CNTN4: variants seen among roughly 807,000 people sequenced by gnomAD.
CNTN4 encodes the protein contactin-4.
A neutral mutation model predicts 122.5 loss-of-function variants in CNTN4; 77 were observed. The ratio of observed to expected loss-of-function variants is 0.63; its 90% CI spans 0.52 to 0.76. CNTN4 has a LOEUF of 0.76. Among genes scored for constraint, CNTN4 ranks in the 30% least tolerant of loss-of-function variants. The pLI, the probability that CNTN4 is intolerant of heterozygous loss-of-function variation, is 0.00. For synonymous variants in CNTN4, 512 were observed against 447.0 expected (o/e 1.15, Z -1.83); for missense variants, 1,256 against 1,259.1 (o/e 1.00, Z 0.04).
chr3:2,476,105 C>T (rs532995802), intron 3 of CNTN4, among the ~76,000 whole-genome samples: 1 of 152,280 alleles, frequency 6.6e-6, no homozygotes, highest in Non-Finnish European at 1.5e-5. Flanking sequence ...TTGTTCATGA[C>T]TGGTGGGCCA....
At chr3:2,896,289 G>A (rs9818647) in intron 10 of CNTN4, among the ~76,000 whole-genome samples, 1 of 152,184 alleles carries the variant, frequency 6.6e-6, no homozygotes, top group South Asian at 2.1e-4. Flanking sequence ...CAGCAAGGAA[G>A]CAGCCTTGCG....
At chr3:2,113,397 G>C (rs935874572) in intron 2 of CNTN4, among the ~76,000 whole-genome samples, 1 of 152,170 alleles carries the variant, frequency 6.6e-6, no homozygotes, top group African/African-American at 2.4e-5. Flanking sequence ...TGTTGTAATT[G>C]TAGCCCATTG....
rs1293842199 is a variant in CNTN4, at chr3:2,591,627, G to A, written c.55+20069G>A. On this transcript the variant is annotated intron_variant, in intron 4 of 24. Coordinates refer to ENST00000418658, the MANE Select transcript of CNTN4 (RefSeq NM_175607.3). ...GATCCGCCCGCCTCGGCCTCCCAAA[G>A]TGCTGGGATTACAGGCGTGAGCCAC... Among the ~76,000 whole-genome samples, 4 of 51,660 alleles carry A rather than the reference G, an allele frequency of 7.7e-5. 2 individuals carry two copies. Among genetic ancestry groups the A allele is most frequent in the Non-Finnish European group, 2.0e-4 (4 of 20,248 alleles). 33.9% of individuals were successfully genotyped at this position (51,660 alleles called of 152,430 possible).
intron 5 of CNTN4, among the ~76,000 whole-genome samples, chr3:2,742,134 G>A (rs2089490041): frequency 6.6e-6 from 1 of 152,112 alleles, no homozygotes; most frequent in African/African-American, 2.4e-5. Flanking sequence ...CTGAATTTGA[G>A]GGGGAAGAAC....
chr3:2,595,149 G>GCTT (rs1278725223), intron 4 of CNTN4, among the ~76,000 whole-genome samples: 5 of 152,262 alleles, frequency 3.3e-5, no homozygotes, highest in African/African-American at 1.2e-4. Flanking sequence ...CCATTGACAT[G>GCTT]CTTTTATTAG....
intron 4 of CNTN4, among the ~76,000 whole-genome samples, chr3:2,679,244 T>G: frequency 6.6e-6 from 1 of 152,162 alleles, no homozygotes; most frequent in East Asian, 1.9e-4. Flanking sequence ...CACTAATCAT[T>G]GGAGATATTG....
chr3:3,037,520 T>C (rs1699717549), intron 18 of CNTN4, 192 bp downstream of exon 18: 7 of 734,646 alleles, frequency 9.5e-6, no homozygotes, highest in South Asian at 6.3e-5. Flanking sequence ...CAATCAAGAG[T>C]TGTTTTCTTC....
intron 7 of CNTN4, among the ~76,000 whole-genome samples, chr3:2,829,182 G>A (rs923156499): frequency 6.6e-6 from 1 of 152,172 alleles, no homozygotes; most frequent in Non-Finnish European, 1.5e-5. Flanking sequence ...ATCAGAGGGG[G>A]TTACAGCGCA....
chr3:2,711,239 A>G (rs956493380), intron 4 of CNTN4, among the ~76,000 whole-genome samples: 1 of 152,166 alleles, frequency 6.6e-6, no homozygotes. Flanking sequence ...GATCATAGAC[A>G]GTGATGGAGA....
intron 6 of CNTN4, among the ~76,000 whole-genome samples, chr3:2,816,831 AAAAAAAAAAAAG>A (rs2092744823): frequency 6.6e-6 from 1 of 150,730 alleles, no homozygotes; most frequent in Non-Finnish European, 1.5e-5. Flanking sequence ...AAAAAAAAAA[AAAAAAAAAAAAG>A]AACTTACCCA....
chr3:2,370,579 A>G (rs9882813), intron 3 of CNTN4, among the ~76,000 whole-genome samples: 4,636 of 152,238 alleles, frequency 0.03, 227 homozygotes, highest in African/African-American at 0.1. Context: ...AGACAATTTG[A>G]TTCAAATGAT....
intron 3 of CNTN4, among the ~76,000 whole-genome samples, chr3:2,393,053 G>A (rs981925589): frequency 6.6e-5 from 10 of 152,172 alleles, no homozygotes; most frequent in African/African-American, 2.4e-4. Flanking sequence ...CAAGTTGGCA[G>A]GTTGATTACT....
At chr3:2,291,649 G>C (rs1014833494) in intron 2 of CNTN4, among the ~76,000 whole-genome samples, 1 of 150,770 alleles carries the variant, frequency 6.6e-6, no homozygotes, top group Non-Finnish European at 1.5e-5. Flanking sequence ...TAAAGTATTT[G>C]GGGATCCCTA....
intron 3 of CNTN4, among the ~76,000 whole-genome samples, chr3:2,375,927 A>G (rs2045798205): frequency 6.6e-6 from 1 of 152,126 alleles, no homozygotes; most frequent in Non-Finnish European, 1.5e-5. Flanking sequence ...AAGAAGAAAA[A>G]AAAAAAGAGA....
At chr3:2,283,185 A>G (rs1364617516) in intron 2 of CNTN4, among the ~76,000 whole-genome samples, 3 of 149,728 alleles carry the variant, frequency 2.0e-5, no homozygotes, top group East Asian at 1.9e-4. Flanking sequence ...AGAAGACATT[A>G]TAATAAACAG....
At chr3:2,315,363 A>G (rs1036808181) in intron 2 of CNTN4, among the ~76,000 whole-genome samples, 4 of 152,086 alleles carry the variant, frequency 2.6e-5, no homozygotes, top group Admixed American at 6.6e-5. Context: ...CTCATCCAAC[A>G]TGTATTCATC....
At chr3:2,439,807 T>G (rs1416497502) in intron 3 of CNTN4, among the ~76,000 whole-genome samples, 1 of 152,148 alleles carries the variant, frequency 6.6e-6, no homozygotes, top group Non-Finnish European at 1.5e-5. Flanking sequence ...CTGGTTGTGA[T>G]CCTCCATTTC....
chr3:2,783,104 T>C (rs2091671365), intron 6 of CNTN4, among the ~76,000 whole-genome samples: 1 of 151,542 alleles, frequency 6.6e-6, no homozygotes, highest in African/African-American at 2.4e-5. Context: ...CACAGTGAGA[T>C]TTTCTCTCTA....
At chr3:2,241,558 T>C (rs1003606280) in intron 2 of CNTN4, among the ~76,000 whole-genome samples, 1 of 152,224 alleles carries the variant, frequency 6.6e-6, no homozygotes, top group Non-Finnish European at 1.5e-5. Context: ...TTTAGCTTAA[T>C]GTCTGCATCT....
Sources: allele counts gnomAD v4.1 joint callset (sites outside exome capture counted in the v4.1 genomes callset), GRCh38; gene constraint gnomAD v4.1.1; transcripts MANE v1.5; gene names NCBI Gene and HGNC (gene_info 2026-07-23, HGNC 2026-07-21).